Variants in CRIM1 observed in about 807,000 individuals in gnomAD.
CRIM1 encodes the protein cysteine-rich motor neuron 1 protein.
A neutral mutation model predicts 116.4 loss-of-function variants in CRIM1; 32 were observed. The observed-to-expected ratio is 0.27, with a 90% CI of 0.21 to 0.37. CRIM1 has a LOEUF of 0.37. Among genes scored for constraint, CRIM1 ranks in the 10% least tolerant of loss-of-function variants. CRIM1 has a pLI of 1.00. For synonymous variants in CRIM1, 590 were observed against 509.2 expected (o/e 1.16, Z -2.13); for missense variants, 1,331 against 1,354.8 (o/e 0.98, Z 0.28).
At chr2:36,480,727 CCTCT>C (rs1269745117) in intron 7 of CRIM1, among the ~76,000 whole-genome samples, 1 of 152,102 alleles carries the variant, frequency 6.6e-6, no homozygotes, top group Non-Finnish European at 1.5e-5. Context: ...AAGCTTGAGG[CCTCT>C]CTTTCTGTTG....
intron 4 of CRIM1, among the ~76,000 whole-genome samples, chr2:36,456,881 C>T (rs549629720): frequency 1.4e-4 from 21 of 151,912 alleles, no homozygotes; most frequent in Non-Finnish European, 7.4e-5. Flanking sequence ...TGAAAGATGC[C>T]GTTGTTTTCT....
At chr2:36,450,295 G>A (rs1186847995) in intron 4 of CRIM1, among the ~76,000 whole-genome samples, 1 of 152,124 alleles carries the variant, frequency 6.6e-6, no homozygotes, top group Non-Finnish European at 1.5e-5. Context: ...GCTGGCTCCT[G>A]GACCCATATT....
intron 1 of CRIM1, among the ~76,000 whole-genome samples, chr2:36,365,700 C>G (rs1358169259): frequency 1.3e-5 from 2 of 151,124 alleles, no homozygotes; most frequent in Non-Finnish European, 2.9e-5. Context: ...GGGTATGGTC[C>G]CATTTTAGGA....
intron 1 of CRIM1, among the ~76,000 whole-genome samples, chr2:36,373,804 T>G (rs376796801): frequency 6.6e-6 from 1 of 152,190 alleles, no homozygotes; most frequent in Non-Finnish European, 1.5e-5. Context: ...CATACACCCA[T>G]GCAAAAATTG....
chr2:36,438,430 A>G (rs917502402), intron 2 of CRIM1, among the ~76,000 whole-genome samples: 2 of 152,242 alleles, frequency 1.3e-5, no homozygotes, highest in African/African-American at 4.8e-5. Flanking sequence ...CTTAATCTGC[A>G]TACATTCAAG....
intron 1 of CRIM1, among the ~76,000 whole-genome samples, chr2:36,364,227 T>C (rs976365774): frequency 6.6e-6 from 1 of 152,236 alleles, no homozygotes; most frequent in Non-Finnish European, 1.5e-5. Flanking sequence ...TTCTGGCTGA[T>C]GCCAGTGTCA....
intron 2 of CRIM1, among the ~76,000 whole-genome samples, chr2:36,430,442 A>T (rs919626132): frequency 6.6e-6 from 1 of 152,208 alleles, no homozygotes; most frequent in Non-Finnish European, 1.5e-5. Context: ...AAAAATACAC[A>T]TTGCAGTATT....
At chr2:36,383,310 A>G (rs914433732) in intron 1 of CRIM1, among the ~76,000 whole-genome samples, 4 of 152,232 alleles carry the variant, frequency 2.6e-5, no homozygotes, top group South Asian at 2.1e-4. Flanking sequence ...CTTGACTGCT[A>G]TGTTTTAAAA....
chr2:36,503,343 T>G lies in CRIM1; in HGVS notation c.1501+3996T>G, dbSNP rs538820427. Among the ~76,000 whole-genome samples, 13 of 152,350 alleles carry G rather than the reference T, an allele frequency of 8.5e-5. No homozygotes were observed. In the South Asian group the frequency reaches 2.7e-3, roughly 32 times the overall value. On this transcript the variant is annotated intron_variant, in intron 8 of 16. Coordinates refer to ENST00000280527, the MANE Select transcript of CRIM1 (RefSeq NM_016441.3). ...GCAAGTTGCTTTACTTCTTTGGGAC[T>G]CTGTGTCCACATATGTAAAGGGCAA...
chr2:36,479,902 G>A (rs143820779), intron 7 of CRIM1, among the ~76,000 whole-genome samples: 140 of 152,284 alleles, frequency 9.2e-4, no homozygotes, highest in African/African-American at 3.2e-3. Context: ...TCATTATTTT[G>A]CCATTGCAAA....
chr2:36,517,285 T>G (rs746272454), intron 11 of CRIM1, 42 bp from the exon 12 acceptor site: 9 of 1,525,404 alleles, frequency 5.9e-6, no homozygotes, highest in African/African-American at 1.4e-5. Context: ...GTTGGAAAGA[T>G]TGCAGATGAA....
intron 9 of CRIM1, among the ~76,000 whole-genome samples, chr2:36,510,511 T>C (rs1383334349): frequency 6.6e-6 from 1 of 152,174 alleles, no homozygotes; most frequent in Non-Finnish European, 1.5e-5. Context: ...ATCATTTATT[T>C]AACACATACT....
At chr2:36,514,741 G>A (rs1415849709) in intron 11 of CRIM1, among the ~76,000 whole-genome samples, 1 of 152,132 alleles carries the variant, frequency 6.6e-6, no homozygotes, top group Non-Finnish European at 1.5e-5. Context: ...CCTGAGGCCT[G>A]GTCCTTGTGC....
chr2:36,509,711 T>A (rs1041631534), intron 8 of CRIM1, among the ~76,000 whole-genome samples: 1 of 152,250 alleles, frequency 6.6e-6, no homozygotes, highest in Non-Finnish European at 1.5e-5. Flanking sequence ...ATCAGCCTGC[T>A]GTTCACTCAG....
At chr2:36,518,713 A>T (rs1479126767) in intron 12 of CRIM1, among the ~76,000 whole-genome samples, 1 of 152,194 alleles carries the variant, frequency 6.6e-6, no homozygotes, top group Non-Finnish European at 1.5e-5. Flanking sequence ...TGCATGACCT[A>T]TGATTTCCTA....
At chr2:36,538,743 T>G (rs1204232533) in intron 14 of CRIM1, among the ~76,000 whole-genome samples, 1 of 152,146 alleles carries the variant, frequency 6.6e-6, no homozygotes, top group Non-Finnish European at 1.5e-5. Flanking sequence ...GGGTTCTCTT[T>G]ATAGTTTTCC....
At chr2:36,463,181 T>TAA (rs1315091272) in intron 4 of CRIM1, among the ~76,000 whole-genome samples, 1 of 152,236 alleles carries the variant, frequency 6.6e-6, no homozygotes, top group Non-Finnish European at 1.5e-5. Flanking sequence ...GTGGCTTTAA[T>TAA]AGTCCTTGAT....
chr2:36,395,799 G>T (rs899504732), intron 1 of CRIM1, among the ~76,000 whole-genome samples: 1 of 152,090 alleles, frequency 6.6e-6, no homozygotes, highest in Non-Finnish European at 1.5e-5. Flanking sequence ...CTCCCCAAAC[G>T]CATTAGAGGG....
intron 2 of CRIM1, among the ~76,000 whole-genome samples, chr2:36,432,816 G>C (rs529210437): frequency 1.3e-5 from 2 of 152,170 alleles, no homozygotes; most frequent in South Asian, 4.1e-4. Context: ...CCGATACCAG[G>C]GTACCACTTC....
Sources: allele counts gnomAD v4.1 joint callset (sites outside exome capture counted in the v4.1 genomes callset), GRCh38; gene constraint gnomAD v4.1.1; transcripts MANE v1.5; gene names NCBI Gene and HGNC (gene_info 2026-07-23, HGNC 2026-07-21).